Variants in NPNT observed in about 807,000 individuals in gnomAD.
The protein encoded by NPNT is preosteoblast EGF-like repeat protein with MAM domain.
Under a neutral mutation model 68.6 loss-of-function variants are expected in NPNT, and 45 were observed. The observed-to-expected ratio is 0.66, with a 90% CI of 0.52 to 0.84. The LOEUF (loss-of-function observed/expected upper bound fraction) is 0.84, where lower values mean the gene tolerates loss of function less well. Ranked by LOEUF, NPNT falls within the 40% of genes least tolerant of loss-of-function variation. The pLI is 0.00. For synonymous variants in NPNT, 233 were observed against 253.3 expected (o/e 0.92, Z 0.76); for missense variants, 672 against 714.8 (o/e 0.94, Z 0.68).
chr4:105,912,797 T>G (rs1727473863), intron 2 of NPNT: 1 of 152,886 alleles, frequency 6.5e-6, no homozygotes, highest in Admixed American at 6.5e-5. Flanking sequence ...CTATGACACT[T>G]TAGTGGAAAA....
chr4:105,939,941 C>T, intron 5 of NPNT, 134 bp from the exon 6 acceptor site: 1 of 688,398 alleles, frequency 1.5e-6, no homozygotes, highest in South Asian at 1.9e-5. Flanking sequence ...CCTGTAGGGA[C>T]AACCAGCTAG....
At chr4:105,959,497 A>AGTTG (rs1458492247) in intron 10 of NPNT, among the ~76,000 whole-genome samples, 1 of 150,892 alleles carries the variant, frequency 6.6e-6, no homozygotes, top group Non-Finnish European at 1.5e-5. Flanking sequence ...GGCATTCCCC[A>AGTTG]GTTGTTTTTT....
intron 2 of NPNT, among the ~76,000 whole-genome samples, chr4:105,905,257 T>C (rs2149321833): frequency 6.6e-6 from 1 of 152,348 alleles, no homozygotes; most frequent in South Asian, 2.1e-4. Flanking sequence ...CTAATAGTTA[T>C]TCTAATCCTT....
chr4:105,913,304 A>G (rs1361864822), intron 2 of NPNT, among the ~76,000 whole-genome samples: 1 of 152,216 alleles, frequency 6.6e-6, no homozygotes, highest in Non-Finnish European at 1.5e-5. Context: ...TTCTTTGTTC[A>G]GGGAGACTTA....
intron 10 of NPNT, among the ~76,000 whole-genome samples, chr4:105,962,335 A>G (rs1323631625): frequency 6.6e-6 from 1 of 152,142 alleles, no homozygotes; most frequent in Non-Finnish European, 1.5e-5. Flanking sequence ...TGGAGAAGAA[A>G]TGATGCATCA....
In NPNT at chr4:105,940,525, T is replaced by C; in HGVS notation, c.652T>C (p.Cys218Arg). 1 of 1,613,070 alleles carries C rather than the reference T, an allele frequency of 6.2e-7. No homozygotes were observed. The highest frequency in any genetic ancestry group is 8.5e-7 in the Non-Finnish European group (1 of 1,179,230). The change falls in exon 7 of 12, where the codon TGC becomes CGC. Residue 218 changes from cysteine to arginine, a missense_variant. Physicochemically the swap from Cys to Arg is radical, Grantham distance 180. Coordinates refer to ENST00000379987, the MANE Select transcript of NPNT (RefSeq NM_001033047.3). ...GKYQCHDIDE[C>R]SLGQYQCSSF... The stretch of plus-strand genomic sequence containing the variant: ...ACTTTCTGATGCAGACATAGACGAA[T>C]GCTCACTTGGTCAGTATCAGTGCAG...
At chr4:105,955,030 G>A (rs553015244) in intron 8 of NPNT, among the ~76,000 whole-genome samples, 115 of 152,354 alleles carry the variant, frequency 7.5e-4, no homozygotes, top group Non-Finnish European at 1.4e-3. Context: ...AGTGGATGGA[G>A]TAGAAGGAGG....
At chr4:105,966,979 T>A (rs1434016575) in intron 10 of NPNT, among the ~76,000 whole-genome samples, 1 of 152,094 alleles carries the variant, frequency 6.6e-6, no homozygotes, top group African/African-American at 2.4e-5. Context: ...ACTTGTACTT[T>A]CCATGAGCAA....
At chr4:105,899,425 C>T (rs1228596602) in intron 2 of NPNT, among the ~76,000 whole-genome samples, 2 of 152,146 alleles carry the variant, frequency 1.3e-5, no homozygotes, top group Admixed American at 1.3e-4. Flanking sequence ...TAAATTCCAC[C>T]AGGCACCATT....
At chr4:105,920,286 G>C (rs1199125737) in intron 2 of NPNT, among the ~76,000 whole-genome samples, 1 of 149,144 alleles carries the variant, frequency 6.7e-6, no homozygotes, top group East Asian at 2.0e-4. Context: ...CCCTCCCCTA[G>C]CCCTCATTCC....
chr4:105,895,970 G>A, intron 1 of NPNT: 2 of 548,376 alleles, frequency 3.6e-6, no homozygotes, highest in Non-Finnish European at 6.5e-6. Context: ...ACTCGCCCCG[G>A]CTCGGGAATT....
At position 105,970,964 on chromosome 4, in the gene NPNT, T is replaced by G. The variant is rs747610240; in HGVS notation, c.*1974T>G. 12 of 305,072 alleles carry G rather than the reference T, an allele frequency of 3.9e-5. No individual in the cohort carries two copies. The highest frequency in any genetic ancestry group is 3.1e-4 in the South Asian group (11 of 35,630). The allele number at this position is 305,072 out of a possible 1,614,324, so 18.9% of individuals were successfully genotyped here. On this transcript the variant is annotated 3_prime_UTR_variant, in exon 12 of 12. Transcript: ENST00000379987. ...AGCAGTATTAAAGAAAAAAGGAAAC[T>G]ATTTATTCCAAATGAGAGTATGATG...
intron 8 of NPNT, among the ~76,000 whole-genome samples, chr4:105,951,980 C>T (rs1167806107): frequency 6.6e-6 from 1 of 152,072 alleles, no homozygotes; most frequent in Non-Finnish European, 1.5e-5. Context: ...TAGTATCTAC[C>T]TCATTGGGCT....
At chr4:105,959,237 T>C (rs774090824) in intron 10 of NPNT, 111 bp downstream of exon 10, 6 of 678,198 alleles carry the variant, frequency 8.8e-6, no homozygotes, top group Non-Finnish European at 1.6e-5. Context: ...GTTTACTTGA[T>C]AAAGATGGTC....
At chr4:105,895,791 C>CT in intron 1 of NPNT, 68 bp downstream of exon 1, 2 of 1,366,400 alleles carry the variant, frequency 1.5e-6, no homozygotes, top group Admixed American at 2.0e-5. Context: ...TCTTGGGTCA[C>CT]TTTTCCCCGC....
At chr4:105,960,673 T>C (rs1399121767) in intron 10 of NPNT, among the ~76,000 whole-genome samples, 1 of 152,188 alleles carries the variant, frequency 6.6e-6, no homozygotes, top group Non-Finnish European at 1.5e-5. Flanking sequence ...TGCATTACTG[T>C]CTTACTCATT....
rs565180143 is a variant in NPNT, at chr4:105,950,886, G to T, written c.1160-7585G>T. Among the ~76,000 whole-genome samples, 18 of 152,270 alleles carry T rather than the reference G, an allele frequency of 1.2e-4. No individual in the cohort carries two copies. In the East Asian group the frequency reaches 3.3e-3, roughly 28 times the overall value. On this transcript the variant is annotated intron_variant, in intron 8 of 11. Transcript: ENST00000379987. ...GATCTGCCTGCCTCAGCCACCGAAA[G>T]TGCTGCGATTACAGGCGTGAGGCAC...
chr4:105,923,292 A>G (rs1728399606), intron 2 of NPNT, among the ~76,000 whole-genome samples: 2 of 151,890 alleles, frequency 1.3e-5, no homozygotes, highest in African/African-American at 4.8e-5. Context: ...TTTCTAATCT[A>G]GTTATTTAGA....
At chr4:105,961,307 G>A (rs1235984225) in intron 10 of NPNT, among the ~76,000 whole-genome samples, 12 of 152,200 alleles carry the variant, frequency 7.9e-5, no homozygotes, top group Admixed American at 7.9e-4. Flanking sequence ...TCACAGACCT[G>A]TAGATTAGAC....
Sources: allele counts gnomAD v4.1 joint callset (sites outside exome capture counted in the v4.1 genomes callset), GRCh38; gene constraint gnomAD v4.1.1; transcripts MANE v1.5; gene names NCBI Gene and HGNC (gene_info 2026-07-23, HGNC 2026-07-21).